PDGFC: variants seen among roughly 807,000 people sequenced by gnomAD.
PDGFC encodes platelet derived growth factor C, also known as platelet-derived growth factor C.
PDGFC carries 12 observed loss-of-function variants against 35.5 expected under a neutral mutation model. That is an observed-to-expected ratio of 0.34 (90% CI 0.22 to 0.55). The LOEUF (loss-of-function observed/expected upper bound fraction) is 0.55, where lower values mean the gene tolerates loss of function less well. PDGFC is among the 20% of genes least tolerant of loss of function. The probability of loss-of-function intolerance (pLI) is 0.91; values close to 1 mark genes in which losing one functional copy is unlikely to be tolerated. For missense variants in PDGFC, 322 were observed against 412.4 expected (o/e 0.78, Z 1.90); for synonymous variants, 159 against 148.8 (o/e 1.07, Z -0.50).
At chr4:156,967,175 T>C (rs568389884) in intron 1 of PDGFC, among the ~76,000 whole-genome samples, 3 of 152,220 alleles carry the variant, frequency 2.0e-5, no homozygotes, top group Non-Finnish European at 4.4e-5. Context: ...CTAAATATTG[T>C]GGTTATCTGT....
intron 1 of PDGFC, among the ~76,000 whole-genome samples, chr4:156,878,776 C>T (rs1306727156): frequency 6.6e-6 from 1 of 152,042 alleles, no homozygotes; most frequent in Admixed American, 6.6e-5. Flanking sequence ...CTTCCATGTC[C>T]TCTGTTACAG....
At chr4:156,915,086 A>G (rs957224177) in intron 1 of PDGFC, among the ~76,000 whole-genome samples, 1 of 152,192 alleles carries the variant, frequency 6.6e-6, no homozygotes, top group Non-Finnish European at 1.5e-5. Flanking sequence ...GGCCAAAAAA[A>G]TGCTGCTAAA....
intron 2 of PDGFC, among the ~76,000 whole-genome samples, chr4:156,849,730 G>C (rs1729408013): frequency 6.6e-6 from 1 of 152,032 alleles, no homozygotes; most frequent in African/African-American, 2.4e-5. Flanking sequence ...TTTCTTCTTT[G>C]TGATGTAATA....
chr4:156,948,262 A>T (rs1731995311), intron 1 of PDGFC, among the ~76,000 whole-genome samples: 1 of 151,806 alleles, frequency 6.6e-6, no homozygotes, highest in African/African-American at 2.4e-5. Flanking sequence ...ATGGTGCCAA[A>T]TGTTGGCAGC....
At chr4:156,870,887 A>G (rs1729966320) in intron 1 of PDGFC, among the ~76,000 whole-genome samples, 2 of 152,178 alleles carry the variant, frequency 1.3e-5, no homozygotes, top group Non-Finnish European at 2.9e-5. Flanking sequence ...TTCTCTGTAA[A>G]GCGATTGGAA....
intron 2 of PDGFC, among the ~76,000 whole-genome samples, chr4:156,831,938 T>C (rs1208008694): frequency 6.6e-6 from 1 of 152,176 alleles, no homozygotes; most frequent in African/African-American, 2.4e-5. Context: ...CACACTAGTT[T>C]ATACAGTTTA....
At chr4:156,899,723 G>T (rs1253915354) in intron 1 of PDGFC, among the ~76,000 whole-genome samples, 5 of 152,184 alleles carry the variant, frequency 3.3e-5, no homozygotes, top group Non-Finnish European at 7.3e-5. Flanking sequence ...GCTGAGGCAG[G>T]AGGATTGCTT....
At chr4:156,780,107 GTTT>G (rs35403686) in intron 3 of PDGFC, among the ~76,000 whole-genome samples, 14 of 125,014 alleles carry the variant, frequency 1.1e-4, no homozygotes, top group Admixed American at 9.7e-4. Flanking sequence ...CAAAATTAAG[GTTT>G]TTTTTTTTTT....
chr4:156,779,240 T>C, intron 3 of PDGFC: 7 of 447,582 alleles, frequency 1.6e-5, no homozygotes, highest in South Asian at 1.1e-4. Context: ...CCGAATTCAT[T>C]CAAAAAGTTA....
At chr4:156,859,698 C>T (rs151219399) in intron 1 of PDGFC, among the ~76,000 whole-genome samples, 66 of 151,828 alleles carry the variant, frequency 4.3e-4, no homozygotes, top group South Asian at 3.5e-3. Flanking sequence ...TGTAAAAATA[C>T]GAAAAATATA....
intron 1 of PDGFC, among the ~76,000 whole-genome samples, chr4:156,968,682 T>G (rs1054636200): frequency 1.3e-5 from 2 of 152,116 alleles, no homozygotes; most frequent in Non-Finnish European, 2.9e-5. Context: ...TATTGCCCCC[T>G]AGTGCTGGCC....
intron 3 of PDGFC, among the ~76,000 whole-genome samples, chr4:156,802,553 CAT>C (rs1202357227): frequency 1.6e-5 from 2 of 123,482 alleles, no homozygotes; most frequent in African/African-American, 3.9e-5. Context: ...CATACACACA[CAT>C]ACACACACAC....
intron 2 of PDGFC, among the ~76,000 whole-genome samples, chr4:156,818,982 A>C (rs1427206917): frequency 6.6e-6 from 1 of 152,146 alleles, no homozygotes; most frequent in Non-Finnish European, 1.5e-5. Context: ...ATAATTGCTC[A>C]AATTAAAAAA....
chr4:156,956,016 G>C (rs779346397), intron 1 of PDGFC, among the ~76,000 whole-genome samples: 1 of 151,838 alleles, frequency 6.6e-6, no homozygotes, highest in Non-Finnish European at 1.5e-5. Context: ...TGAGTCCTTG[G>C]GCATTCTAAG....
chr4:156,784,164 G>A (rs776438364), intron 3 of PDGFC, among the ~76,000 whole-genome samples: 2 of 152,134 alleles, frequency 1.3e-5, no homozygotes, highest in African/African-American at 2.4e-5. Context: ...ATATACAAAT[G>A]TCAAATGTTA....
intron 3 of PDGFC, among the ~76,000 whole-genome samples, chr4:156,799,339 TC>T (rs1731533532): frequency 6.6e-6 from 1 of 151,954 alleles, no homozygotes; most frequent in African/African-American, 2.4e-5. Flanking sequence ...TCTTGGAAAT[TC>T]CCCCCTCAGT....
chr4:156,947,230 T>C (rs961050088), intron 1 of PDGFC, among the ~76,000 whole-genome samples: 1 of 152,016 alleles, frequency 6.6e-6, no homozygotes, highest in Non-Finnish European at 1.5e-5. Context: ...TCTGTGTGTA[T>C]GAACAGCTGT....
intron 1 of PDGFC, among the ~76,000 whole-genome samples, chr4:156,904,067 C>G (rs991253157): frequency 6.6e-6 from 1 of 152,028 alleles, no homozygotes; most frequent in African/African-American, 2.4e-5. Context: ...GAAAGTGGGC[C>G]TAAGTGCCAT....
intron 2 of PDGFC, among the ~76,000 whole-genome samples, chr4:156,817,615 T>C (rs1453769367): frequency 6.6e-6 from 1 of 152,160 alleles, no homozygotes; most frequent in Non-Finnish European, 1.5e-5. Flanking sequence ...GGAAAGACCC[T>C]GTCTCCCTCT....
Sources: allele counts gnomAD v4.1 joint callset (sites outside exome capture counted in the v4.1 genomes callset), GRCh38; gene constraint gnomAD v4.1.1; transcripts MANE v1.5; gene names NCBI Gene and HGNC (gene_info 2026-07-23, HGNC 2026-07-21).